Variants in CTNNA2 observed in about 807,000 individuals in gnomAD.
CTNNA2 encodes catenin alpha 2, also known as catenin alpha-2.
A neutral mutation model predicts 101.0 loss-of-function variants in CTNNA2; 42 were observed. The observed-to-expected ratio is 0.42, with a 90% CI of 0.32 to 0.54. The LOEUF is 0.54. CTNNA2 is among the 20% of genes least tolerant of loss of function. The pLI is 0.14. For missense variants in CTNNA2, 871 were observed against 1,223.1 expected, an observed-to-expected ratio of 0.71 and a Z score of 4.29; for synonymous variants, 450 against 456.4, an observed-to-expected ratio of 0.99 and a Z score of 0.18.
intron 2 of CTNNA2, among the ~76,000 whole-genome samples, chr2:79,696,621 A>G (rs1265766849): frequency 6.6e-6 from 1 of 151,958 alleles, no homozygotes; most frequent in African/African-American, 2.4e-5. Flanking sequence ...AGCACTTACA[A>G]TCTCACATGC....
chr2:80,237,854 T>A (rs760269695), intron 7 of CTNNA2, among the ~76,000 whole-genome samples: 2 of 152,154 alleles, frequency 1.3e-5, no homozygotes, highest in Admixed American at 6.5e-5. Context: ...TGGGTTGAGT[T>A]GGTCTTCAAC....
At chr2:79,875,355 T>C (rs1162883609) in intron 6 of CTNNA2, among the ~76,000 whole-genome samples, 4 of 152,184 alleles carry the variant, frequency 2.6e-5, no homozygotes, top group Non-Finnish European at 5.9e-5. Context: ...AGCATCTACT[T>C]TCCAGGGTTA....
intron 1 of CTNNA2, among the ~76,000 whole-genome samples, chr2:79,598,300 G>T (rs370323578): frequency 7.2e-5 from 11 of 152,192 alleles, no homozygotes; most frequent in African/African-American, 2.7e-4. Flanking sequence ...GTGGACACAT[G>T]ATTTCATTTC....
chr2:79,352,110 A>G (rs1438702137), intron 3 of CTNNA2, among the ~76,000 whole-genome samples: 1 of 152,128 alleles, frequency 6.6e-6, no homozygotes, highest in Non-Finnish European at 1.5e-5. Context: ...TTTTAATAAT[A>G]GCCATTCTGA....
intron 3 of CTNNA2, among the ~76,000 whole-genome samples, chr2:79,369,765 T>C (rs773703385): frequency 3.3e-5 from 5 of 152,082 alleles, no homozygotes; most frequent in Non-Finnish European, 7.4e-5. Context: ...CCACTGGGAG[T>C]ATCTTCCCTT....
chr2:79,956,850 T>G (rs868616660), intron 7 of CTNNA2, among the ~76,000 whole-genome samples: 2 of 69,384 alleles, frequency 2.9e-5, no homozygotes, highest in African/African-American at 9.4e-5. Context: ...TGGGTTTTTT[T>G]TTTTTTTTTT....
At chr2:79,899,883 C>T (rs1032334852) in intron 6 of CTNNA2, among the ~76,000 whole-genome samples, 8 of 152,134 alleles carry the variant, frequency 5.3e-5, no homozygotes, top group African/African-American at 1.9e-4. Context: ...ACCCCAATTA[C>T]GTCAAGAGAA....
intron 7 of CTNNA2, among the ~76,000 whole-genome samples, chr2:80,348,520 A>G (rs1166672104): frequency 1.3e-5 from 2 of 152,184 alleles, no homozygotes; most frequent in East Asian, 1.9e-4. Context: ...TGAACTTGGC[A>G]TTTGAAAAGT....
rs752202930 is a variant in CTNNA2 at position 80,597,346 on chromosome 2, C to CCAAA, written c.2190-6711_2190-6708dup. ...AAAGACTTAAATGTAAAACCCAAAA[C>CCAAA]CAAACAAACAAACAAACAAAAACCC... On this transcript the variant is annotated intron_variant, in intron 15 of 18. Transcript: ENST00000402739. Among the ~76,000 whole-genome samples, 8 of 152,006 alleles carry CCAAA rather than the reference C, an allele frequency of 5.3e-5. 1 individual carries two copies. The East Asian group carries it at 7.7e-4, about 15-fold the overall frequency.
chr2:80,641,925 C>T (rs969010872), intron 18 of CTNNA2, among the ~76,000 whole-genome samples: 6 of 152,226 alleles, frequency 3.9e-5, no homozygotes, highest in African/African-American at 7.2e-5. Context: ...ACATGTTATA[C>T]ACCTACAGTA....
intron 3 of CTNNA2, among the ~76,000 whole-genome samples, chr2:79,326,401 G>C (rs759374300): frequency 3.3e-5 from 5 of 151,714 alleles, no homozygotes; most frequent in Non-Finnish European, 4.4e-5. Flanking sequence ...AAGCAGTCAA[G>C]ACTGTTTGGG....
At chr2:80,298,943 A>G (rs1035173621) in intron 7 of CTNNA2, 4 of 152,178 alleles carry the variant, frequency 2.6e-5, no homozygotes, top group African/African-American at 9.7e-5. Context: ...CCTCTGGTCC[A>G]ACCTAAAAAA....
intron 3 of CTNNA2, among the ~76,000 whole-genome samples, chr2:79,750,040 G>A (rs376525139): frequency 3.3e-5 from 5 of 152,154 alleles, no homozygotes; most frequent in South Asian, 2.1e-4. Context: ...GTAGTTGCAC[G>A]TGGTGTCCGC....
At chr2:80,274,381 G>A (rs1473224797) in intron 7 of CTNNA2, among the ~76,000 whole-genome samples, 5 of 152,128 alleles carry the variant, frequency 3.3e-5, no homozygotes, top group African/African-American at 7.2e-5. Context: ...GAGCTCCCAC[G>A]TTATTCCCAG....
intron 3 of CTNNA2, among the ~76,000 whole-genome samples, chr2:79,836,020 G>C (rs963552344): frequency 3.3e-5 from 5 of 152,020 alleles, no homozygotes; most frequent in Non-Finnish European, 7.4e-5. Flanking sequence ...TCTAGTTGCT[G>C]CAATTGCTGA....
intron 7 of CTNNA2, among the ~76,000 whole-genome samples, chr2:80,147,459 T>G (rs760515673): frequency 6.6e-6 from 1 of 152,186 alleles, no homozygotes; most frequent in Non-Finnish European, 1.5e-5. Context: ...TAAATGCTGT[T>G]GTTGGGAACT....
intron 3 of CTNNA2, among the ~76,000 whole-genome samples, chr2:79,766,354 C>G (rs1246189015): frequency 6.6e-6 from 1 of 152,230 alleles, no homozygotes; most frequent in Admixed American, 6.5e-5. Context: ...CCATGCCAGT[C>G]TCTCCTGGCT....
intron 2 of CTNNA2, among the ~76,000 whole-genome samples, chr2:79,222,760 A>C (rs1464225319): frequency 6.6e-6 from 1 of 151,854 alleles, no homozygotes; most frequent in Non-Finnish European, 1.5e-5. Context: ...TTGACATCTT[A>C]GTTCCCAATG....
intron 2 of CTNNA2, among the ~76,000 whole-genome samples, chr2:79,691,231 A>G (rs1449206387): frequency 1.3e-5 from 2 of 152,026 alleles, no homozygotes; most frequent in African/African-American, 4.8e-5. Flanking sequence ...AATCTGCATT[A>G]TCTAGAATGT....
Sources: allele counts gnomAD v4.1 joint callset (sites outside exome capture counted in the v4.1 genomes callset), GRCh38; gene constraint gnomAD v4.1.1; transcripts MANE v1.5; gene names NCBI Gene and HGNC (gene_info 2026-07-23, HGNC 2026-07-21).